NDRG4: variants seen among roughly 807,000 people sequenced by gnomAD.
NDRG4 encodes protein NDRG4.
A neutral mutation model predicts 55.8 loss-of-function variants in NDRG4; 38 were observed. The ratio of observed to expected loss-of-function variants is 0.68; its 90% CI spans 0.53 to 0.89. The LOEUF is 0.89. Among genes scored for constraint, NDRG4 ranks in the 40% least tolerant of loss-of-function variants. The pLI is 0.00. For missense variants in NDRG4, 455 were observed against 468.6 expected (o/e 0.97, Z 0.27); for synonymous variants, 190 against 182.7 (o/e 1.04, Z -0.32).
Position 58,504,010 on chromosome 16 carries a change from C to T in NDRG4, c.127+107C>T. 10 of 1,550,500 alleles carry T rather than the reference C, an allele frequency of 6.4e-6. No individual in the cohort carries two copies. The South Asian group carries it at 1.0e-4, about 16-fold the overall frequency. ...CCCTGTCAGCCCCACTCACACTCAC[C>T]TCTGTTGCCTTCGCCCTCCGGGCCT... is the stretch of plus-strand genomic sequence containing the variant. On this transcript the variant is annotated intron_variant, in intron 2 of 14. Coordinates refer to ENST00000570248, the MANE Select transcript of NDRG4 (RefSeq NM_001242835.2).
intron 1 of NDRG4, chr16:58,500,542 A>T: frequency 1.8e-6 from 1 of 559,708 alleles, no homozygotes. Flanking sequence ...ATCTGCAGGA[A>T]ATGGAACGTG....
At chr16:58,489,066 A>G (rs1367685229) in intron 2 of NDRG4, among the ~76,000 whole-genome samples, 2 of 152,088 alleles carry the variant, frequency 1.3e-5, no homozygotes, top group East Asian at 1.9e-4. Flanking sequence ...TGGGAGGCCG[A>G]GGTGGGCAGA....
upstream of NDRG4, among the ~76,000 whole-genome samples, chr16:58,495,181 C>T (rs547227352): frequency 3.3e-5 from 5 of 152,258 alleles, no homozygotes; most frequent in East Asian, 1.9e-4. Flanking sequence ...AGGGAAGAGA[C>T]GGGGCCTCTA....
chr16:58,497,232 G>A (rs984867941), upstream of NDRG4, among the ~76,000 whole-genome samples: 9 of 152,164 alleles, frequency 5.9e-5, no homozygotes, highest in Admixed American at 5.9e-4. Context: ...TGAGGCAGGA[G>A]AATGGCTTGA....
chr16:58,504,704 C>T, intron 5 of NDRG4, 55 bp downstream of exon 5: 3 of 1,601,726 alleles, frequency 1.9e-6, no homozygotes, highest in Non-Finnish European at 2.6e-6. Flanking sequence ...CAGGGATGTC[C>T]CAGTGGTGGG....
chr16:58,508,531 G>A lies in NDRG4; in HGVS notation c.730-431G>A, dbSNP rs1025059985. Among the ~76,000 whole-genome samples the A allele has an allele frequency of 3.9e-5, 6 of 152,142 alleles. No homozygotes were observed. In the East Asian group the frequency reaches 5.8e-4, roughly 15 times the overall value. On this transcript the variant is annotated intron_variant, in intron 10 of 14. Transcript: ENST00000570248. Reference sequence around the variant, plus strand: ...AGAAGTGCCCAGAGCAGCCCCGTGCGCCCTGAAAATACCAGGCTTTCCCAT... The same window carrying A: ...AGAAGTGCCCAGAGCAGCCCCGTGCACCCTGAAAATACCAGGCTTTCCCAT...
At chr16:58,468,982 G>A (rs1168266998) in intron 1 of NDRG4, among the ~76,000 whole-genome samples, 2 of 152,178 alleles carry the variant, frequency 1.3e-5, no homozygotes, top group East Asian at 3.8e-4. Flanking sequence ...GGCAGATTTG[G>A]GCTCTGAAAT....
At chr16:58,465,132 G>T (rs553934128) in intron 1 of NDRG4, 2 of 1,281,800 alleles carry the variant, frequency 1.6e-6, no homozygotes, top group African/African-American at 3.0e-5. Context: ...GTTCTCCCCG[G>T]TGTGGAGAGA....
chr16:58,510,569 C>A, intron 13 of NDRG4, 76 bp from the exon 14 acceptor site: 1 of 1,286,528 alleles, frequency 7.8e-7, no homozygotes, highest in Non-Finnish European at 1.1e-6. Context: ...ATGCCCTTGA[C>A]TCAGCGGACC....
At chr16:58,500,540 G>C (rs899705744) in intron 1 of NDRG4, 1 of 566,288 alleles carries the variant, frequency 1.8e-6, no homozygotes, top group African/African-American at 1.9e-5. Flanking sequence ...ATATCTGCAG[G>C]AAATGGAACG....
chr16:58,500,947 G>A, intron 1 of NDRG4: 1 of 1,191,676 alleles, frequency 8.4e-7, no homozygotes, highest in Non-Finnish European at 1.1e-6. Flanking sequence ...TCCCTGCTGG[G>A]GAGGAACGAG....
chr16:58,483,556 C>T (rs1421915439), intron 1 of NDRG4, among the ~76,000 whole-genome samples: 1 of 152,184 alleles, frequency 6.6e-6, no homozygotes, highest in East Asian at 1.9e-4. Context: ...GCCAAAGGGG[C>T]TGTTTCCTCT....
chr16:58,488,537 G>C (rs1314114226), intron 2 of NDRG4, among the ~76,000 whole-genome samples: 1 of 152,142 alleles, frequency 6.6e-6, no homozygotes, highest in Non-Finnish European at 1.5e-5. Context: ...TGAGGCATCA[G>C]GGCTGGGGTC....
At chr16:58,507,301 A>G in intron 8 of NDRG4, 1 of 472,260 alleles carries the variant, frequency 2.1e-6, no homozygotes, top group Non-Finnish European at 3.8e-6. Flanking sequence ...GACTCCAGTA[A>G]CCCAGCCTTG....
chr16:58,503,930 C>T (rs779858475), intron 2 of NDRG4, 27 bp downstream of exon 2: 11 of 1,610,764 alleles, frequency 6.8e-6, no homozygotes, highest in South Asian at 2.2e-5. Context: ...CTCAGTCAGC[C>T]CTCCTCTGCC....
At chr16:58,489,665 C>T (rs539542399) in intron 2 of NDRG4, among the ~76,000 whole-genome samples, 1 of 152,128 alleles carries the variant, frequency 6.6e-6, no homozygotes, top group East Asian at 1.9e-4. Flanking sequence ...TTTGCACCCC[C>T]AGGTCTCCCC....
intron 2 of NDRG4, chr16:58,487,939 C>A (rs994229988): frequency 1.2e-5 from 13 of 1,051,308 alleles, no homozygotes; most frequent in Middle Eastern, 6.0e-4. Context: ...CTGCAGCCGA[C>A]CCTCCCTAGG....
intron 2 of NDRG4, among the ~76,000 whole-genome samples, chr16:58,492,529 TGTGTGTGTGTGTGTGTGTGTGTGA>T: frequency 1.0e-5 from 1 of 95,488 alleles, no homozygotes; most frequent in Non-Finnish European, 2.4e-5. Context: ...TGTGTGTGTG[TGTGTGTGTGTGTGTGTGTGTGTGA>T]GAGACAGACA....
chr16:58,506,523 G>A, intron 6 of NDRG4, 35 bp from the exon 7 acceptor site: 6 of 1,600,198 alleles, frequency 3.7e-6, no homozygotes, highest in Non-Finnish European at 4.3e-6. Context: ...GTGGGGTGAG[G>A]GGCGGCACTC....
Sources: gnomAD v4.1 joint callset for allele counts (sites outside exome capture counted in the v4.1 genomes callset) on GRCh38, gnomAD v4.1.1 for gene constraint, MANE v1.5 for transcripts, NCBI Gene and HGNC (gene_info 2026-07-23, HGNC 2026-07-21) for gene names.